The following MGAT5 variants were observed in gnomAD, a reference collection of about 807,000 sequenced individuals.
MGAT5 encodes the protein alpha-1,6-mannosylglycoprotein 6-beta-N-acetylglucosaminyltransferase A.
Under a neutral mutation model 94.3 loss-of-function variants are expected in MGAT5, and 30 were observed. The ratio of observed to expected loss-of-function variants is 0.32; its 90% CI spans 0.24 to 0.43. The LOEUF (loss-of-function observed/expected upper bound fraction) is 0.43. Among genes scored for constraint, MGAT5 ranks in the 20% least tolerant of loss-of-function variants. The probability of loss-of-function intolerance (pLI) is 1.00; values close to 1 mark genes in which losing one functional copy is unlikely to be tolerated. For missense variants in MGAT5, 691 were observed against 905.5 expected (o/e 0.76, Z 3.04); for synonymous variants, 310 against 322.9 (o/e 0.96, Z 0.43).
At chr2:134,366,014 T>C (rs928479731) in intron 10 of MGAT5, among the ~76,000 whole-genome samples, 3 of 152,056 alleles carry the variant, frequency 2.0e-5, no homozygotes, top group Non-Finnish European at 4.4e-5. Context: ...CCCAGGGGCA[T>C]CAACTTAGGA....
At chr2:134,227,603 C>T (rs527657896) in intron 1 of MGAT5, among the ~76,000 whole-genome samples, 83 of 152,308 alleles carry the variant, frequency 5.4e-4, no homozygotes, top group Non-Finnish European at 9.6e-4. Flanking sequence ...AAAAGGTAAA[C>T]ACTAACACAT....
intron 1 of MGAT5, among the ~76,000 whole-genome samples, chr2:134,228,961 G>C (rs1681210347): frequency 6.6e-6 from 1 of 152,144 alleles, no homozygotes. Context: ...GAGGGATAGT[G>C]GTTACTCCTT....
At chr2:134,199,626 GCTCT>G (rs1235812054) in intron 1 of MGAT5, among the ~76,000 whole-genome samples, 1 of 151,992 alleles carries the variant, frequency 6.6e-6, no homozygotes, top group East Asian at 1.9e-4. Context: ...TGCTCCAACA[GCTCT>G]CTGTCAGTAT....
chr2:134,310,596 T>C (rs1390976337), intron 2 of MGAT5, among the ~76,000 whole-genome samples: 1 of 152,242 alleles, frequency 6.6e-6, no homozygotes. Flanking sequence ...TCTTGCCTGT[T>C]TCCCATGTCT....
intron 2 of MGAT5, among the ~76,000 whole-genome samples, chr2:134,289,511 C>T (rs922597187): frequency 6.6e-6 from 1 of 152,148 alleles, no homozygotes; most frequent in African/African-American, 2.4e-5. Context: ...AGGGTTCTGC[C>T]GAAAGTTGTC....
chr2:134,203,348 A>AC (rs1194554795), intron 1 of MGAT5, among the ~76,000 whole-genome samples: 1 of 152,004 alleles, frequency 6.6e-6, no homozygotes, highest in Non-Finnish European at 1.5e-5. Flanking sequence ...TTTAATGAGC[A>AC]CCCCAGGTTA....
intron 14 of MGAT5, among the ~76,000 whole-genome samples, chr2:134,429,800 A>G (rs771893182): frequency 3.9e-5 from 6 of 152,230 alleles, no homozygotes; most frequent in Non-Finnish European, 8.8e-5. Context: ...TCTAGCAACC[A>G]CATCCATACA....
intron 9 of MGAT5, among the ~76,000 whole-genome samples, chr2:134,351,730 T>C (rs1679394220): frequency 6.6e-6 from 1 of 152,144 alleles, no homozygotes; most frequent in Non-Finnish European, 1.5e-5. Context: ...TGCTTGACTA[T>C]ATTTTAAAAA....
intron 2 of MGAT5, among the ~76,000 whole-genome samples, chr2:134,290,375 G>C (rs1005904551): frequency 6.6e-6 from 1 of 152,180 alleles, no homozygotes; most frequent in Non-Finnish European, 1.5e-5. Flanking sequence ...GTAGATTATA[G>C]GTTGAGGCCA....
intron 1 of MGAT5, among the ~76,000 whole-genome samples, chr2:134,169,169 A>AG (rs2105103382): frequency 6.6e-6 from 1 of 152,312 alleles, no homozygotes; most frequent in Non-Finnish European, 1.5e-5. Flanking sequence ...GAATGTATCA[A>AG]GTAGGTTATT....
At chr2:134,226,308 G>T (rs1681059797) in intron 1 of MGAT5, among the ~76,000 whole-genome samples, 1 of 152,176 alleles carries the variant, frequency 6.6e-6, no homozygotes, top group African/African-American at 2.4e-5. Flanking sequence ...TAAGAATTTT[G>T]CAGAAGAGAG....
chr2:134,226,705 G>A (rs548661312), intron 1 of MGAT5, among the ~76,000 whole-genome samples: 3 of 152,180 alleles, frequency 2.0e-5, no homozygotes, highest in South Asian at 2.1e-4. Flanking sequence ...AGCCCCTAGC[G>A]CCTAGCAGGC....
intron 1 of MGAT5, among the ~76,000 whole-genome samples, chr2:134,155,539 G>A (rs1687434737): frequency 1.3e-5 from 2 of 152,172 alleles, no homozygotes; most frequent in Admixed American, 1.3e-4. Flanking sequence ...CTTTTTATAT[G>A]GAGCACTTAG....
intron 1 of MGAT5, among the ~76,000 whole-genome samples, chr2:134,187,414 G>A (rs572147546): frequency 4.5e-4 from 69 of 152,260 alleles, no homozygotes; most frequent in African/African-American, 1.5e-3. Context: ...GGATGTATCC[G>A]TTGAGAATGA....
intron 1 of MGAT5, among the ~76,000 whole-genome samples, chr2:134,156,528 T>C (rs544426586): frequency 1.2e-4 from 18 of 152,168 alleles, no homozygotes; most frequent in Non-Finnish European, 2.5e-4. Flanking sequence ...GAGTTCCTTA[T>C]AGAGGCCCAA....
Position 134,227,038 on chromosome 2 carries a change from G to A in MGAT5, c.-142-27224G>A, listed in dbSNP as rs1442735165. Reference sequence around the variant, plus strand: ...TGAAATCTCCATTTTTCAAATGTTGGTAACTAATAAACTTCCTAACCTCTG... The same window carrying A: ...TGAAATCTCCATTTTTCAAATGTTGATAACTAATAAACTTCCTAACCTCTG... On this transcript the variant is annotated intron_variant, in intron 1 of 16. Transcript: ENST00000409645. Among the ~76,000 whole-genome samples the A allele has an allele frequency of 2.7e-5, 4 of 150,830 alleles. No individual in the cohort carries two copies. In the East Asian group the frequency reaches 5.8e-4, roughly 22 times the overall value.
intron 10 of MGAT5, among the ~76,000 whole-genome samples, chr2:134,368,363 A>G (rs1301235354): frequency 2.0e-5 from 3 of 152,240 alleles, no homozygotes; most frequent in Non-Finnish European, 4.4e-5. Flanking sequence ...CATTTCAAAT[A>G]GTTTCCAGCT....
intron 10 of MGAT5, among the ~76,000 whole-genome samples, chr2:134,364,292 G>C (rs1464874893): frequency 6.6e-6 from 1 of 152,164 alleles, no homozygotes; most frequent in Non-Finnish European, 1.5e-5. Context: ...CTGAGGTCAG[G>C]AGTTTGCAAC....
At chr2:134,341,355 T>A (rs1429289226) in intron 6 of MGAT5, among the ~76,000 whole-genome samples, 1 of 152,220 alleles carries the variant, frequency 6.6e-6, no homozygotes, top group African/African-American at 2.4e-5. Context: ...TGGAATTATC[T>A]GTCCATACCT....
Sources: gnomAD v4.1 joint callset for allele counts (sites outside exome capture counted in the v4.1 genomes callset) on GRCh38, gnomAD v4.1.1 for gene constraint, MANE v1.5 for transcripts, NCBI Gene and HGNC (gene_info 2026-07-23, HGNC 2026-07-21) for gene names.